Variants in ANO7 observed in about 807,000 individuals in gnomAD.
ANO7 encodes the protein anoctamin-7.
Under a neutral mutation model 115.8 loss-of-function variants are expected in ANO7, and 114 were observed. The ratio of observed to expected loss-of-function variants is 0.98; its 90% CI spans 0.85 to 1.15. ANO7 has a LOEUF of 1.15. Ranked by LOEUF, ANO7 falls within the 50% of genes most tolerant of loss-of-function variation. ANO7 has a pLI of 0.00. For missense variants in ANO7, 1,302 were observed against 1,201.2 expected, an observed-to-expected ratio of 1.08 and a Z score of -1.24; for synonymous variants, 550 against 498.2, an observed-to-expected ratio of 1.10 and a Z score of -1.38.
At chr2:241,218,498 A>G (rs1574796495) in intron 21 of ANO7, 117 bp downstream of exon 21, 4 of 421,526 alleles carry the variant, frequency 9.5e-6, no homozygotes, top group East Asian at 1.1e-4. Context: ...CCGCCGGGCA[A>G]GGCCGGGGGA....
At chr2:241,191,016 G>A (rs2068187722) in intron 2 of ANO7, among the ~76,000 whole-genome samples, 178 bp from the exon 3 acceptor site, 1 of 152,216 alleles carries the variant, frequency 6.6e-6, no homozygotes, top group Admixed American at 6.5e-5. Flanking sequence ...CACAGCAGAG[G>A]GGCTTCCCCC....
At chr2:241,217,623 G>T (rs1410059653) in intron 19 of ANO7, 63 bp from the exon 20 acceptor site, 4 of 1,516,506 alleles carry the variant, frequency 2.6e-6, no homozygotes, top group Non-Finnish European at 3.5e-6. Flanking sequence ...TCCGCGGGGG[G>T]CGCGTTCCGA....
At position 241,200,209 on chromosome 2, in the gene ANO7, G is replaced by C. The variant is rs769194421; in HGVS notation, c.538G>C (p.Val180Leu). The change falls in exon 6 of 25, where the codon GTG (valine) becomes CTG (leucine). Residue 180 changes from valine to leucine, a missense_variant. Val to Leu is a conservative substitution (Grantham distance 32, BLOSUM62 1). Transcript: ENST00000674324. ...CGAGTACTACTCCTGCCGGTTCAGA[G>C]TGAACAAGCTGCCACGGTAAGGCAG... ...PPEYYSCRFR[V>L]NKLPRFLGSD... The C allele has an allele frequency of 4.3e-6, 7 of 1,612,906 alleles. No individual in the cohort carries two copies. The highest frequency in any genetic ancestry group is 5.1e-6 in the Non-Finnish European group (6 of 1,179,884).
chr2:241,191,584 C>T (rs112459832), intron 3 of ANO7, among the ~76,000 whole-genome samples: 1 of 152,284 alleles, frequency 6.6e-6, no homozygotes, highest in African/African-American at 2.4e-5. Context: ...ATCTCTTGCA[C>T]TCCACCCCTT....
At chr2:241,231,241 G>A in the ANO7 span, 5 of 280,348 alleles carry the variant, frequency 1.8e-5, no homozygotes, top group African/African-American at 6.5e-5. Flanking sequence ...AATATTAGCC[G>A]GGCGTGGTGG....
At chr2:241,215,411 G>A (rs941849980) in intron 18 of ANO7, among the ~76,000 whole-genome samples, 2 of 152,196 alleles carry the variant, frequency 1.3e-5, no homozygotes, top group Admixed American at 6.5e-5. Context: ...CTCGCCTCCC[G>A]CTCAAGGCCA....
chr2:241,224,035 C>G (rs571215554), intron 24 of ANO7, 62 bp from the exon 25 acceptor site: 1 of 1,612,932 alleles, frequency 6.2e-7, no homozygotes, highest in Non-Finnish European at 8.5e-7. Context: ...CACTGTGCCT[C>G]GTGGCCATGG....
At chr2:241,231,004 A>C in the ANO7 span, 5 of 1,478,184 alleles carry the variant, frequency 3.4e-6, no homozygotes, top group Admixed American at 8.5e-5. Context: ...CGTCAGGGGC[A>C]AGAGCCGGCC....
intron 19 of ANO7, among the ~76,000 whole-genome samples, chr2:241,216,467 C>G (rs187196421): frequency 6.6e-6 from 1 of 152,318 alleles, no homozygotes; most frequent in African/African-American, 2.4e-5. Context: ...GGCACCGGCA[C>G]GGGGAGGAGG....
rs866989596 is a variant in ANO7, at chr2:241,207,062, G to A, written c.981-512G>A. Among the ~76,000 whole-genome samples the A allele has an allele frequency of 8.5e-3, 1,157 of 135,550 alleles. 20 individuals are homozygous for A. Among genetic ancestry groups the A allele is most frequent in the Middle Eastern group, 0.011 (3 of 270 alleles). The allele number at this position is 135,550 out of a possible 152,430, so 88.9% of individuals were successfully genotyped here. A position where few individuals can be genotyped will look rare whatever the true frequency, so the allele number is the denominator to read the frequency against. On this transcript the variant is annotated intron_variant, in intron 10 of 24. Transcript: ENST00000674324. ...CAGGAGTGCTCCCAGGCTGACAGGT[G>A]GACAGGAGTGCTCCCAGGCTGACAC... is the stretch of plus-strand genomic sequence containing the variant.
In ANO7 at chr2:241,188,926, C is replaced by T. The variant is rs1054063613; in HGVS notation, c.-8+160C>T. On this transcript the variant is annotated intron_variant, in intron 1 of 24. Coordinates refer to ENST00000674324, the MANE Select transcript of ANO7 (RefSeq NM_001370694.2). This position sits in a 1 kb window ranked among gnomAD's most constrained non-coding sequence, Gnocchi z 4.3. ...CTGGTCCCCAAAGCCCCTTGGGGCA[C>T]GAGGAGGGACACACACTCAGTGCGG... Among the ~76,000 whole-genome samples, 2 of 152,154 alleles carry T rather than the reference C, an allele frequency of 1.3e-5. No individual in the cohort carries two copies. Among genetic ancestry groups the T allele is most frequent in the Non-Finnish European group, 2.9e-5 (2 of 68,008 alleles).
In ANO7 at chr2:241,200,091, G is replaced by T. The variant is rs139314813; in HGVS notation, c.420G>T (p.Glu140Asp). The T allele has an allele frequency of 1.1e-5, 17 of 1,612,014 alleles. 1 individual carries two copies. The highest frequency in any genetic ancestry group is 5.3e-5 in the African/African-American group (4 of 75,062). Reference sequence around the variant, plus strand: ...GAGCCACTGACGTTTCCTTCCAGGAGTTACCCAACCAGGCCTCCAACTGGT... The same window carrying T: ...GAGCCACTGACGTTTCCTTCCAGGATTTACCCAACCAGGCCTCCAACTGGT... ...EDLRLKLPLQ[E>D]LPNQASNWSA... Residue 140 changes from glutamate (E) to aspartate (D), a missense_variant and splice_region_variant, in exon 6 of 25, where the codon GAG becomes GAT. Glu to Asp is a conservative substitution (Grantham distance 45, BLOSUM62 2). Coordinates refer to ENST00000674324, the MANE Select transcript of ANO7 (RefSeq NM_001370694.2).
chr2:241,223,403 G>C, intron 22 of ANO7, 127 bp downstream of exon 22: 1 of 1,187,708 alleles, frequency 8.4e-7, no homozygotes, highest in Non-Finnish European at 1.3e-6. Context: ...GGTCAAATCA[G>C]AGCTCTTCTC....
chr2:241,236,859 TG>T, the ANO7 span: 1 of 1,357,352 alleles, frequency 7.4e-7, no homozygotes, highest in South Asian at 1.3e-5. Context: ...AGGCACCTGC[TG>T]GGTGCTGGGT....
At chr2:241,232,888 G>C in the ANO7 span, among the ~76,000 whole-genome samples, 1 of 152,116 alleles carries the variant, frequency 6.6e-6, no homozygotes. Flanking sequence ...AAGAGGACGT[G>C]GGAGCTGGAG....
At chr2:241,226,893 C>A (rs564461485), downstream of ANO7, among the ~76,000 whole-genome samples, 2 of 152,172 alleles carry the variant, frequency 1.3e-5, no homozygotes, top group African/African-American at 4.8e-5. Flanking sequence ...CTCCTCCAGC[C>A]GAGGCCTCCG....
chr2:241,237,541 G>C, the ANO7 span, among the ~76,000 whole-genome samples: 1 of 152,188 alleles, frequency 6.6e-6, no homozygotes, highest in Admixed American at 6.5e-5. Flanking sequence ...GGATGGGGAA[G>C]TAGGTGTTTC....
intron 10 of ANO7, 102 bp downstream of exon 10, chr2:241,205,057 T>C: frequency 1.1e-6 from 1 of 950,458 alleles, no homozygotes; most frequent in Non-Finnish European, 1.7e-6. Context: ...AGACAGCTGG[T>C]GCTTGAGGTG....
At chr2:241,226,905 C>T (rs2149287794), downstream of ANO7, among the ~76,000 whole-genome samples, 1 of 152,282 alleles carries the variant, frequency 6.6e-6, no homozygotes, top group South Asian at 2.1e-4. Context: ...AGGCCTCCGC[C>T]CGCACCCCCC....
Sources: gnomAD v4.1 joint callset for allele counts (sites outside exome capture counted in the v4.1 genomes callset) on GRCh38, gnomAD v4.1.1 for gene constraint, Gnocchi (gnomAD v3.1) non-coding constraint, MANE v1.5 for transcripts, NCBI Gene and HGNC (gene_info 2026-07-23, HGNC 2026-07-21) for gene names.